Variants in TTC38 observed in about 807,000 individuals in gnomAD.
TTC38 encodes tetratricopeptide repeat domain 38.
In TTC38, 64 loss-of-function variants were observed where a neutral mutation model predicts 64.2. That is an observed-to-expected ratio of 1.00 (90% CI 0.81 to 1.23). The LOEUF (loss-of-function observed/expected upper bound fraction) is 1.23, where lower values mean the gene tolerates loss of function less well. Ranked by LOEUF, TTC38 falls within the 50% of genes most tolerant of loss-of-function variation. The probability of loss-of-function intolerance (pLI) is 0.00; values close to 1 mark genes in which losing one functional copy is unlikely to be tolerated. For synonymous variants in TTC38, 254 were observed against 249.3 expected (o/e 1.02, Z -0.18); for missense variants, 573 against 615.5 (o/e 0.93, Z 0.73).
Position 46,271,085 on chromosome 22 carries a change from A to T in TTC38, c.112-1250A>T, listed in dbSNP as rs1321880347. 6.6e-6 allele frequency among the ~76,000 whole-genome samples: 1 copy of T among 152,150 alleles called. No individual in the cohort carries two copies. The highest frequency in any genetic ancestry group is 1.5e-5 in the Non-Finnish European group (1 of 68,016). On this transcript the variant is annotated intron_variant, in intron 2 of 13. Transcript: ENST00000381031. This position sits in a 1 kb window ranked among gnomAD's most constrained non-coding sequence, Gnocchi z 5.5. ...AGCTTTTGTGTCTTTCTAACTCTCT[A>T]AAATAAATGTTTTCTGTGAATATTT...
chr22:46,293,743 CCT>C lies in TTC38; in HGVS notation c.*862_*863del, dbSNP rs1412811372. The C allele has an allele frequency of 2.0e-4, 31 of 152,440 alleles. No individual in the cohort carries two copies. Among genetic ancestry groups the C allele is most frequent in the Admixed American group, 2.0e-3 (31 of 15,282 alleles). 9.4% of individuals were successfully genotyped at this position (152,440 alleles called of 1,614,324 possible). ...CCTGGAGCGGGTCCTGTGAGCGCCG[CCT>C]CTGTCTCCTGCTTCCCCACTGAACG... is the stretch of plus-strand genomic sequence containing the variant. On this transcript the variant is annotated 3_prime_UTR_variant, in exon 14 of 14. Transcript: ENST00000381031. This position sits in a 1 kb window ranked among gnomAD's most constrained non-coding sequence, Gnocchi z 6.6.
At position 46,289,543 on chromosome 22, in the gene TTC38, C is replaced by T. The variant is rs747226362; in HGVS notation, c.1224C>T (p.Leu408=). ...LLPIRYRIVQ[L]GGSNAQRDVF... is the part of the protein sequence containing the mutation. ...CCATCCGCTACCGGATCGTCCAGCT[C>T]GGTGGGAGCAATGCCCAGGTGAGCC... The change falls in exon 12 of 14, where the codon CTC becomes CTT. Residue 408 remains leucine, a synonymous_variant. Transcript: ENST00000381031. The T allele has an allele frequency of 1.2e-5, 19 of 1,594,168 alleles. No individual in the cohort carries two copies. The highest frequency in any genetic ancestry group is 6.7e-5 in the African/African-American group (5 of 74,748).
At position 46,270,494 on chromosome 22, in the gene TTC38, C is replaced by T. The variant is rs1207076125; in HGVS notation, c.112-1841C>T. Among the ~76,000 whole-genome samples the T allele has an allele frequency of 6.6e-6, 1 of 152,060 alleles. No individual in the cohort carries two copies. The highest frequency in any genetic ancestry group is 2.4e-5 in the African/African-American group (1 of 41,408). On this transcript the variant is annotated intron_variant, in intron 2 of 13. Coordinates refer to ENST00000381031, the MANE Select transcript of TTC38 (RefSeq NM_017931.4). The surrounding 1 kb of genome is among the most constrained non-coding windows in gnomAD (Gnocchi z 4.7). ...TATAGGTCTAGGACTTTTTTTAAAA[C>T]AGGCATTTGAGTAAAGGACCAGGTA... is the stretch of plus-strand genomic sequence containing the variant.
rs1936881043 is a variant in TTC38 at position 46,270,920 on chromosome 22, G to A, written c.112-1415G>A. On this transcript the variant is annotated intron_variant, in intron 2 of 13. Transcript: ENST00000381031. This position sits in a 1 kb window ranked among gnomAD's most constrained non-coding sequence, Gnocchi z 4.7. The stretch of plus-strand genomic sequence containing the variant: ...AGGAGGGATTCTCCTACCAAGGCAG[G>A]AGAATTGCTTGAAACCTGGAGGCAG... Among the ~76,000 whole-genome samples, 1 of 152,086 alleles carries A rather than the reference G, an allele frequency of 6.6e-6. No homozygotes were observed.
intron 13 of TTC38, among the ~76,000 whole-genome samples, chr22:46,290,534 AGCG>A (rs2077606979): frequency 7.8e-6 from 1 of 128,492 alleles, no homozygotes; most frequent in Non-Finnish European, 1.6e-5. Flanking sequence ...GTGTTAGGGC[AGCG>A]TGGCTGGAGG....
rs942355498 is a variant in TTC38, at chr22:46,276,238, G to C, written c.539+817G>C. Among the ~76,000 whole-genome samples the C allele has an allele frequency of 6.6e-6, 1 of 152,194 alleles. No individual in the cohort carries two copies. The highest frequency in any genetic ancestry group is 6.5e-5 in the Admixed American group (1 of 15,280). ...AGGGCAGGGCAGCAAGCTGGAAATC[G>C]CTGCAGGAGTCAGCATTAGTCTTAC... On this transcript the variant is annotated intron_variant, in intron 5 of 13. Transcript: ENST00000381031. This position sits in a 1 kb window ranked among gnomAD's most constrained non-coding sequence, Gnocchi z 4.7.
At chr22:46,289,952 A>G in intron 13 of TTC38, 53 bp downstream of exon 13, 1 of 1,508,860 alleles carries the variant, frequency 6.6e-7, no homozygotes, top group East Asian at 2.3e-5. Context: ...CTCTCCCTGC[A>G]GACCTCAGGA....
In TTC38 at chr22:46,291,997, C is replaced by A. The variant is rs895368590; in HGVS notation, c.1317-794C>A. On this transcript the variant is annotated intron_variant, in intron 13 of 13. Transcript: ENST00000381031. The surrounding 1 kb of genome is among the most constrained non-coding windows in gnomAD (Gnocchi z 4.6). Reference sequence around the variant, plus strand: ...AAAGTGCCACAGTCTGGGCGGCTTGCACAGTAGGCATGCACTGTCTCACAG... The same window carrying A: ...AAAGTGCCACAGTCTGGGCGGCTTGAACAGTAGGCATGCACTGTCTCACAG... Among the ~76,000 whole-genome samples the A allele has an allele frequency of 2.0e-5, 3 of 152,106 alleles. No homozygotes were observed. Among genetic ancestry groups the A allele is most frequent in the African/African-American group, 7.2e-5 (3 of 41,426 alleles).
rs1035377117 is a variant in TTC38 at position 46,272,026 on chromosome 22, CT to C, written c.112-308del. ...TTTTGTTTTTTGAGACAGTCTCTCT[CT>C]GCCATCCAGGCTGGAGTGCAGTGGC... On this transcript the variant is annotated intron_variant, in intron 2 of 13. Transcript: ENST00000381031. This position sits in a 1 kb window ranked among gnomAD's most constrained non-coding sequence, Gnocchi z 6.4. Among the ~76,000 whole-genome samples the C allele has an allele frequency of 6.6e-6, 1 of 152,184 alleles. No homozygotes were observed. The highest frequency in any genetic ancestry group is 2.4e-5 in the African/African-American group (1 of 41,440).
chr22:46,281,474 C>T lies in TTC38; in HGVS notation c.616-125C>T, dbSNP rs115382865. On this transcript the variant is annotated intron_variant, in intron 6 of 13. Transcript: ENST00000381031. This position sits in a 1 kb window ranked among gnomAD's most constrained non-coding sequence, Gnocchi z 5.2. ...GTCAGTGTTTTGAGTCAGAGCCCCG[C>T]CCCCCCACTTGCTCCACCCCGTTCA... 3,750 of 1,005,962 alleles carry T rather than the reference C, an allele frequency of 3.7e-3. 79 individuals are homozygous for T. The African/African-American group carries it at 0.048, about 13-fold the overall frequency. The allele number at this position is 1,005,962 out of a possible 1,614,324, so 62.3% of individuals were successfully genotyped here.
intron 6 of TTC38, chr22:46,280,224 G>C (rs563623016): frequency 6.4e-6 from 3 of 470,384 alleles, no homozygotes; most frequent in African/African-American, 6.0e-5. Context: ...GCAGGCAGGC[G>C]GCAGGCACAG....
Position 46,292,751 on chromosome 22 carries a change from A to T in TTC38, c.1317-40A>T, listed in dbSNP as rs1191341517. 1 of 1,565,674 alleles carries T rather than the reference A, an allele frequency of 6.4e-7. No individual in the cohort carries two copies. The highest frequency in any genetic ancestry group is 8.8e-7 in the Non-Finnish European group (1 of 1,136,798). On this transcript the variant is annotated intron_variant, in intron 13 of 13. Coordinates refer to ENST00000381031, the MANE Select transcript of TTC38 (RefSeq NM_017931.4). This position sits in a 1 kb window ranked among gnomAD's most constrained non-coding sequence, Gnocchi z 6.5. ...GGACCACCAGGCCCCACATCCCTCTAGAAGGTTCTGTAACAGGACCTCTGT... is the reference window on the plus strand; with the variant it reads ...GGACCACCAGGCCCCACATCCCTCTTGAAGGTTCTGTAACAGGACCTCTGT...
chr22:46,281,480 CACTTGCTCCA>C lies in TTC38; in HGVS notation c.616-118_616-109del. 3 of 1,120,564 alleles carry C rather than the reference CACTTGCTCCA, an allele frequency of 2.7e-6. No homozygotes were observed. The highest frequency in any genetic ancestry group is 3.0e-4 in the Middle Eastern group (1 of 3,326). The allele number at this position is 1,120,564 out of a possible 1,614,324, so 69.4% of individuals were successfully genotyped here. A position where few individuals can be genotyped will look rare whatever the true frequency, so the allele number is the denominator to read the frequency against. The stretch of plus-strand genomic sequence containing the variant: ...GTTTTGAGTCAGAGCCCCGCCCCCC[CACTTGCTCCA>C]CCCCGTTCAGCCCAGGCCCCTCTTG... On this transcript the variant is annotated intron_variant, in intron 6 of 13. Transcript: ENST00000381031. This position sits in a 1 kb window ranked among gnomAD's most constrained non-coding sequence, Gnocchi z 5.2.
chr22:46,278,684 G>A, intron 6 of TTC38, 23 bp downstream of exon 6: 1 of 1,600,036 alleles, frequency 6.2e-7, no homozygotes, highest in Non-Finnish European at 8.6e-7. Flanking sequence ...TTCCTAAGGT[G>A]CCTGACCCCT....
rs757587564 is a variant in TTC38 at position 46,281,716 on chromosome 22, A to G, written c.733A>G (p.Lys245Glu). The change falls in exon 7 of 14, where the codon AAG becomes GAG. Residue 245 changes from lysine to glutamate, a missense_variant and splice_region_variant. Around this residue, in one of 3 missense-constraint regions of TTC38, gnomAD observed 371 missense variants for 381.8 expected, o/e 0.97. Coordinates refer to ENST00000381031, the MANE Select transcript of TTC38 (RefSeq NM_017931.4). The surrounding 1 kb of genome is among the most constrained non-coding windows in gnomAD (Gnocchi z 5.2). ...EFMQHSETFW[K>E]DSDMLACHNY... is the part of the protein sequence containing the mutation. The stretch of plus-strand genomic sequence containing the variant: ...CATGCAGCACTCAGAGACCTTCTGG[A>G]AGGTATGATGCTTGTCAATGGGTCA... The G allele has an allele frequency of 6.2e-7, 1 of 1,613,784 alleles. No homozygotes were observed.
chr22:46,278,506 A>T, intron 5 of TTC38, 80 bp from the exon 6 acceptor site: 1 of 1,198,656 alleles, frequency 8.3e-7, no homozygotes, highest in Non-Finnish European at 1.2e-6. Context: ...TTAGGACCTC[A>T]GTGTATCTTT....
intron 6 of TTC38, among the ~76,000 whole-genome samples, 161 bp downstream of exon 6, chr22:46,278,822 C>T (rs1447156635): frequency 2.6e-5 from 4 of 152,224 alleles, no homozygotes; most frequent in East Asian, 1.9e-4. Flanking sequence ...GAGCAGCTGC[C>T]GCCCGCCAGG....
Position 46,287,135 on chromosome 22 carries a change from C to G in TTC38, c.897C>G (p.Leu299=), listed in dbSNP as rs779719751. The change falls in exon 10 of 14, where the codon CTC becomes CTG. Residue 299 remains leucine, a synonymous_variant. Coordinates refer to ENST00000381031, the MANE Select transcript of TTC38 (RefSeq NM_017931.4). ...ACGTGGTGGACAGCTGCTCCATGCT[C>G]TACCGCCTGCAGATGGAAGGTAGCC... The part of the protein sequence containing the change: ...MLDVVDSCSM[L]YRLQMEGVSV... 32 of 1,603,704 alleles carry G rather than the reference C, an allele frequency of 2.0e-5. No homozygotes were observed. Among genetic ancestry groups the G allele is most frequent in the Non-Finnish European group, 2.7e-5 (32 of 1,174,752 alleles).
rs538765004 is a variant in TTC38, at chr22:46,270,300, G to A, written c.111+1709G>A. The stretch of plus-strand genomic sequence containing the variant: ...GCTATTTGGGAGGCTGAGGCAGGGG[G>A]ATTGCTTGAGCCTGGGCGGTTGAGA... On this transcript the variant is annotated intron_variant, in intron 2 of 13. Coordinates refer to ENST00000381031, the MANE Select transcript of TTC38 (RefSeq NM_017931.4). The surrounding 1 kb of genome is among the most constrained non-coding windows in gnomAD (Gnocchi z 4.7). Among the ~76,000 whole-genome samples the A allele has an allele frequency of 4.9e-4, 74 of 151,974 alleles. No homozygotes were observed. The highest frequency in any genetic ancestry group is 1.7e-3 in the African/African-American group (72 of 41,442).
Sources: allele counts gnomAD v4.1 joint callset (sites outside exome capture counted in the v4.1 genomes callset), GRCh38; gene constraint gnomAD v4.1.1; regional missense constraint gnomAD v4.1.1; non-coding constraint Gnocchi (gnomAD v3.1); transcripts MANE v1.5; gene names NCBI Gene and HGNC (gene_info 2026-07-23, HGNC 2026-07-21).